Variants in PDE4B observed in about 807,000 individuals in gnomAD.
The protein encoded by PDE4B is 3',5'-cyclic-AMP phosphodiesterase 4B.
PDE4B carries 20 observed loss-of-function variants against 82.2 expected under a neutral mutation model. The ratio of observed to expected loss-of-function variants is 0.24; its 90% CI spans 0.17 to 0.35. PDE4B has a LOEUF of 0.35. PDE4B is among the 10% of genes least tolerant of loss of function. PDE4B has a pLI of 1.00. For missense variants in PDE4B, 655 were observed against 907.2 expected (o/e 0.72, Z 3.57); for synonymous variants, 320 against 318.9 (o/e 1.00, Z -0.04).
intron 3 of PDE4B, among the ~76,000 whole-genome samples, chr1:66,082,163 T>C (rs1158864728): frequency 2.6e-5 from 4 of 152,120 alleles, no homozygotes; most frequent in Admixed American, 6.6e-5. Context: ...CTGGTCCTCA[T>C]TGCATACTTC....
chr1:66,184,836 C>A (rs1647147746), intron 3 of PDE4B, among the ~76,000 whole-genome samples: 1 of 145,640 alleles, frequency 6.9e-6, no homozygotes, highest in African/African-American at 2.5e-5. Context: ...TATTGTGCCC[C>A]AGTTTACTTT....
At position 66,361,606 on chromosome 1, in the gene PDE4B, C is replaced by A; in HGVS notation, c.842-9C>A. ...TGTGCTGAAAAACATATTCCTTTGT[C>A]TGTTGCAGACAAGCAGAATGATGTG... On this transcript the variant is annotated splice_polypyrimidine_tract_variant and intron_variant, in intron 9 of 16. Coordinates refer to ENST00000341517, the MANE Select transcript of PDE4B (RefSeq NM_002600.4). 1.9e-6 allele frequency: 3 copies of A among 1,608,700 alleles called. No homozygotes were observed. Among genetic ancestry groups the A allele is most frequent in the South Asian group, 2.2e-5 (2 of 90,728 alleles).
intron 1 of PDE4B, among the ~76,000 whole-genome samples, chr1:65,891,873 T>C (rs1005021317): frequency 1.3e-5 from 2 of 152,058 alleles, no homozygotes; most frequent in Non-Finnish European, 2.9e-5. Context: ...CTTTTAGAGG[T>C]CAAATAATTA....
At chr1:66,147,703 G>T (rs529612691) in intron 3 of PDE4B, among the ~76,000 whole-genome samples, 1 of 152,152 alleles carries the variant, frequency 6.6e-6, no homozygotes, top group Non-Finnish European at 1.5e-5. Context: ...CCAGTGGGGC[G>T]TTTCTTAGCC....
intron 7 of PDE4B, among the ~76,000 whole-genome samples, chr1:66,327,870 G>A (rs887015681): frequency 3.9e-5 from 6 of 152,214 alleles, no homozygotes; most frequent in East Asian, 3.8e-4. Context: ...TTTAAATGCA[G>A]CATTTTCAGG....
chr1:65,981,617 A>G (rs370139779), intron 3 of PDE4B, among the ~76,000 whole-genome samples: 127 of 151,972 alleles, frequency 8.4e-4, no homozygotes, highest in Middle Eastern at 6.8e-3. Flanking sequence ...TTTGGGTTCC[A>G]ATACTTACCA....
At chr1:65,813,412 G>T (rs1413511394) in intron 1 of PDE4B, among the ~76,000 whole-genome samples, 1 of 152,144 alleles carries the variant, frequency 6.6e-6, no homozygotes, top group Non-Finnish European at 1.5e-5. Flanking sequence ...GTTGAGTTTT[G>T]AACGTGCAAG....
At chr1:65,914,007 T>A (rs1310420572) in intron 2 of PDE4B, among the ~76,000 whole-genome samples, 1 of 152,226 alleles carries the variant, frequency 6.6e-6, no homozygotes, top group East Asian at 1.9e-4. Context: ...ATCTTGGTCC[T>A]TAATTATCTC....
At chr1:66,368,184 C>A in intron 15 of PDE4B, 119 bp downstream of exon 15, 1 of 927,112 alleles carries the variant, frequency 1.1e-6, no homozygotes, top group Non-Finnish European at 1.6e-6. Flanking sequence ...ACTCCTATAG[C>A]TTAGGGCTTA....
intron 3 of PDE4B, among the ~76,000 whole-genome samples, chr1:66,052,695 G>A (rs1254165333): frequency 3.9e-5 from 6 of 152,156 alleles, no homozygotes; most frequent in African/African-American, 1.4e-4. Context: ...GGAGTGTGAT[G>A]TGTGTAGGGT....
chr1:65,879,161 G>C (rs1359412498), intron 1 of PDE4B, among the ~76,000 whole-genome samples: 1 of 152,018 alleles, frequency 6.6e-6, no homozygotes, highest in East Asian at 1.9e-4. Flanking sequence ...AGCTGTCAGG[G>C]GTGCCTGAGA....
intron 3 of PDE4B, among the ~76,000 whole-genome samples, chr1:66,146,320 A>G (rs1410063734): frequency 6.6e-6 from 1 of 151,512 alleles, no homozygotes; most frequent in Non-Finnish European, 1.5e-5. Flanking sequence ...AGTAGCTGGG[A>G]CTACAGGCGC....
rs149008953 is a variant in PDE4B, at chr1:65,888,985, C to T, written c.-70-24260C>T. 5.8e-4 allele frequency among the ~76,000 whole-genome samples: 88 copies of T among 152,108 alleles called. 3 individuals are homozygous for T. In the East Asian group the frequency reaches 6.4e-3, roughly 11 times the overall value. Reference sequence around the variant, plus strand: ...CTTCCAATACTATGTTGAATAGGAGCAGTGAGAGTGGGCATCCTTGTCTTG... The same window carrying T: ...CTTCCAATACTATGTTGAATAGGAGTAGTGAGAGTGGGCATCCTTGTCTTG... On this transcript the variant is annotated intron_variant, in intron 1 of 16. Transcript: ENST00000341517.
chr1:65,885,217 G>T (rs1426517765), intron 1 of PDE4B, among the ~76,000 whole-genome samples: 1 of 152,182 alleles, frequency 6.6e-6, no homozygotes, highest in African/African-American at 2.4e-5. Context: ...AACAACAGGT[G>T]CTGGAGAGGA....
chr1:65,958,963 A>C (rs1052076095), intron 3 of PDE4B, among the ~76,000 whole-genome samples: 4 of 152,208 alleles, frequency 2.6e-5, no homozygotes, highest in African/African-American at 4.8e-5. Flanking sequence ...TAATCATTTA[A>C]ATTTGAGTGT....
rs189353120 is a variant in PDE4B at position 65,953,917 on chromosome 1, A to C, written c.281+35082A>C. ...AATTTATTATTATTATTTTCTGTTT[A>C]AGATGGAGTCTCGCTCTGTTGCCTA... On this transcript the variant is annotated intron_variant, in intron 3 of 16. Coordinates refer to ENST00000341517, the MANE Select transcript of PDE4B (RefSeq NM_002600.4). Among the ~76,000 whole-genome samples, 247 of 152,144 alleles carry C rather than the reference A, an allele frequency of 1.6e-3. 1 individual carries two copies. The highest frequency in any genetic ancestry group is 5.6e-3 in the African/African-American group (231 of 41,524).
At chr1:66,296,358 A>G (rs925797967) in intron 7 of PDE4B, among the ~76,000 whole-genome samples, 2 of 152,172 alleles carry the variant, frequency 1.3e-5, no homozygotes, top group African/African-American at 2.4e-5. Context: ...TTTACGATAA[A>G]CAAGAAAGCA....
Position 66,144,180 on chromosome 1 carries a change from C to T in PDE4B, c.282-103280C>T, listed in dbSNP as rs192532051. Among the ~76,000 whole-genome samples the T allele has an allele frequency of 1.1e-4, 16 of 152,292 alleles. No homozygotes were observed. The East Asian group carries it at 1.9e-3, about 18-fold the overall frequency. Reference sequence around the variant, plus strand: ...TTTCCAGATTTTCCCAAGTCAGTACCGTGCAAACGGTTCCAGGTTTTTTTC... The same window carrying T: ...TTTCCAGATTTTCCCAAGTCAGTACTGTGCAAACGGTTCCAGGTTTTTTTC... On this transcript the variant is annotated intron_variant, in intron 3 of 16. Transcript: ENST00000341517.
intron 1 of PDE4B, among the ~76,000 whole-genome samples, chr1:65,799,703 T>C (rs1034799426): frequency 6.6e-6 from 1 of 152,122 alleles, no homozygotes; most frequent in African/African-American, 2.4e-5. Context: ...GCATGCTACA[T>C]TGGTATACTG....
Sources: allele counts gnomAD v4.1 joint callset (sites outside exome capture counted in the v4.1 genomes callset), GRCh38; gene constraint gnomAD v4.1.1; transcripts MANE v1.5; gene names NCBI Gene and HGNC (gene_info 2026-07-23, HGNC 2026-07-21).